Variants in SOCS5 observed in about 807,000 individuals in gnomAD.
The protein encoded by SOCS5 is suppressor of cytokine signaling 5.
A neutral mutation model predicts 42.8 loss-of-function variants in SOCS5; 32 were observed. The observed-to-expected ratio is 0.75, with a 90% CI of 0.56 to 1.01. The LOEUF is 1.01. Ranked by LOEUF, SOCS5 falls within the 50% of genes least tolerant of loss-of-function variation. SOCS5 has a pLI of 0.00. For missense variants in SOCS5, 627 were observed against 653.0 expected (o/e 0.96, Z 0.43); for synonymous variants, 283 against 229.6 (o/e 1.23, Z -2.10).
chr2:46,705,637 A>G (rs976961009), intron 1 of SOCS5, among the ~76,000 whole-genome samples: 1 of 152,242 alleles, frequency 6.6e-6, no homozygotes, highest in Non-Finnish European at 1.5e-5. Context: ...ATGGGTTAAA[A>G]TATGCATGTG....
chr2:46,705,062 G>C (rs114307668), intron 1 of SOCS5, among the ~76,000 whole-genome samples: 2,553 of 152,336 alleles, frequency 0.017, 81 homozygotes, highest in African/African-American at 0.058. Flanking sequence ...AGACCTTGCT[G>C]TAATTGTCAC....
At chr2:46,724,400 G>C (rs1479084290) in intron 1 of SOCS5, among the ~76,000 whole-genome samples, 3 of 151,826 alleles carry the variant, frequency 2.0e-5, no homozygotes, top group Non-Finnish European at 4.4e-5. Flanking sequence ...TTAGCTGTAG[G>C]CATGTCCTTT....
chr2:46,756,834 G>T (rs1016679122), intron 1 of SOCS5, among the ~76,000 whole-genome samples: 2 of 152,118 alleles, frequency 1.3e-5, no homozygotes, highest in African/African-American at 4.8e-5. Flanking sequence ...AATTTAAGAA[G>T]AAGAATAAAT....
At chr2:46,756,382 C>T (rs1673731113) in intron 1 of SOCS5, among the ~76,000 whole-genome samples, 1 of 152,082 alleles carries the variant, frequency 6.6e-6, no homozygotes, top group African/African-American at 2.4e-5. Flanking sequence ...TTAGGCTTTG[C>T]AGACTACATG....
intron 1 of SOCS5, among the ~76,000 whole-genome samples, chr2:46,746,922 C>CTTTTTTTTTTTTTTTTT (rs11373537): frequency 4.2e-5 from 3 of 70,800 alleles, no homozygotes; most frequent in Admixed American, 2.0e-4. Flanking sequence ...GACTTTATTT[C>CTTTTTTTTTTTTTTTTT]TTTTTTTTTT....
At chr2:46,752,583 ATC>A (rs899087469) in intron 1 of SOCS5, among the ~76,000 whole-genome samples, 5 of 152,140 alleles carry the variant, frequency 3.3e-5, no homozygotes, top group South Asian at 4.1e-4. Context: ...GGATATATTC[ATC>A]TCTTATAATT....
intron 1 of SOCS5, among the ~76,000 whole-genome samples, chr2:46,716,725 C>T (rs1393102200): frequency 6.6e-6 from 1 of 152,124 alleles, no homozygotes; most frequent in Non-Finnish European, 1.5e-5. Flanking sequence ...GTCCTTCTGC[C>T]CCAGCCTCCC....
chr2:46,720,982 C>CTGCTCCTGCT (rs1242316895), intron 1 of SOCS5, among the ~76,000 whole-genome samples: 2 of 152,180 alleles, frequency 1.3e-5, no homozygotes, highest in Non-Finnish European at 2.9e-5. Context: ...CTGCTCCTGC[C>CTGCTCCTGCT]TGCTCCTGCT....
chr2:46,753,109 G>C (rs892426763), intron 1 of SOCS5, among the ~76,000 whole-genome samples: 1 of 152,092 alleles, frequency 6.6e-6, no homozygotes, highest in Non-Finnish European at 1.5e-5. Context: ...TCACTCACTG[G>C]GTTGTGTTAA....
intron 1 of SOCS5, among the ~76,000 whole-genome samples, chr2:46,742,145 A>G (rs1673392293): frequency 1.3e-5 from 2 of 152,238 alleles, no homozygotes; most frequent in East Asian, 1.9e-4. Flanking sequence ...GACAAATTCC[A>G]AGAATGACCT....
intron 1 of SOCS5, among the ~76,000 whole-genome samples, chr2:46,740,530 AAG>A (rs1032540980): frequency 2.6e-5 from 4 of 152,240 alleles, no homozygotes; most frequent in African/African-American, 9.6e-5. Flanking sequence ...TTGAAAAATC[AAG>A]AGAGAGATAG....
At chr2:46,719,762 G>C (rs181181231) in intron 1 of SOCS5, among the ~76,000 whole-genome samples, 16 of 152,208 alleles carry the variant, frequency 1.1e-4, no homozygotes, top group Admixed American at 5.2e-4. Context: ...CATTGTTGTG[G>C]TGAATGAACA....
chr2:46,709,987 C>G (rs977144794), intron 1 of SOCS5, among the ~76,000 whole-genome samples: 2 of 152,070 alleles, frequency 1.3e-5, no homozygotes, highest in East Asian at 3.9e-4. Flanking sequence ...GTCTCCACCC[C>G]CCATGCTTGA....
intron 1 of SOCS5, among the ~76,000 whole-genome samples, chr2:46,734,477 A>C (rs1307501584): frequency 6.6e-6 from 1 of 152,156 alleles, no homozygotes; most frequent in African/African-American, 2.4e-5. Context: ...ACAGTTATAC[A>C]ATAATTCATT....
At chr2:46,752,803 C>A (rs1673652521) in intron 1 of SOCS5, among the ~76,000 whole-genome samples, 1 of 152,146 alleles carries the variant, frequency 6.6e-6, no homozygotes, top group Admixed American at 6.6e-5. Flanking sequence ...CCTGACAAAA[C>A]TGTTTTATTT....
chr2:46,736,011 C>T (rs370690711), intron 1 of SOCS5, among the ~76,000 whole-genome samples: 596 of 150,906 alleles, frequency 3.9e-3, no homozygotes, highest in Non-Finnish European at 6.7e-3. Flanking sequence ...TTCCCCTTCC[C>T]TTCCCTCCCC....
At chr2:46,702,539 G>A (rs952556868) in intron 1 of SOCS5, among the ~76,000 whole-genome samples, 1 of 152,146 alleles carries the variant, frequency 6.6e-6, no homozygotes, top group Non-Finnish European at 1.5e-5. Context: ...GAGACCTGCT[G>A]GGTACACTTA....
chr2:46,703,300 A>T (rs941083201), intron 1 of SOCS5, among the ~76,000 whole-genome samples: 2 of 151,984 alleles, frequency 1.3e-5, no homozygotes, highest in Non-Finnish European at 2.9e-5. Context: ...ATTGAGTCCA[A>T]AGTGATGCTA....
intron 1 of SOCS5, among the ~76,000 whole-genome samples, chr2:46,745,246 G>A (rs1335552405): frequency 6.6e-6 from 1 of 152,064 alleles, no homozygotes. Context: ...TTCTTTATCT[G>A]CAAAAGAAGT....
Sources: gnomAD v4.1 joint callset for allele counts (sites outside exome capture counted in the v4.1 genomes callset) on GRCh38, gnomAD v4.1.1 for gene constraint, MANE v1.5 for transcripts, NCBI Gene and HGNC (gene_info 2026-07-23, HGNC 2026-07-21) for gene names.